The following ZNF704 variants were observed in gnomAD, a reference collection of about 807,000 sequenced individuals.
ZNF704 encodes the protein zinc finger protein 704, also known as glucocorticoid induced gene 1.
ZNF704 carries 10 observed loss-of-function variants against 44.7 expected under a neutral mutation model. That is an observed-to-expected ratio of 0.22 (90% CI 0.14 to 0.38). The LOEUF (loss-of-function observed/expected upper bound fraction) is 0.38. Ranked by LOEUF, ZNF704 falls within the 10% of genes least tolerant of loss-of-function variation. The probability of loss-of-function intolerance (pLI) is 1.00; values close to 1 mark genes in which losing one functional copy is unlikely to be tolerated. For missense variants in ZNF704, 390 were observed against 545.5 expected, an observed-to-expected ratio of 0.71 and a Z score of 2.84; for synonymous variants, 211 against 207.6, an observed-to-expected ratio of 1.02 and a Z score of -0.14.
intron 2 of ZNF704, among the ~76,000 whole-genome samples, chr8:80,789,109 A>G (rs1277415205): frequency 2.0e-5 from 3 of 152,256 alleles, no homozygotes; most frequent in Non-Finnish European, 4.4e-5. Flanking sequence ...TCAATGCTAA[A>G]ACCAAGAGAA....
chr8:80,650,701 G>A (rs1055403411), intron 7 of ZNF704, among the ~76,000 whole-genome samples: 25 of 152,326 alleles, frequency 1.6e-4, no homozygotes, highest in Middle Eastern at 6.8e-3. Flanking sequence ...TGGTGTACCC[G>A]AAAGTGACAG....
At chr8:80,756,085 T>A (rs1586004903) in intron 2 of ZNF704, among the ~76,000 whole-genome samples, 1 of 150,336 alleles carries the variant, frequency 6.7e-6, no homozygotes, top group Non-Finnish European at 1.5e-5. Context: ...CTCCAGCCTG[T>A]GTAACAGAGG....
Position 80,636,869 on chromosome 8 carries a change from C to T in ZNF704, c.*4497G>A, listed in dbSNP as rs938045246. The T allele has an allele frequency of 6.6e-6, 1 of 152,202 alleles. No homozygotes were observed. The highest frequency in any genetic ancestry group is 1.5e-5 in the Non-Finnish European group (1 of 68,040). 9.4% of individuals were successfully genotyped at this position (152,202 alleles called of 1,614,324 possible). A position where few individuals can be genotyped will look rare whatever the true frequency, so the allele number is the denominator to read the frequency against. ...CCACAAAAGTCCATGGAAGTTTGTT[C>T]GCTAACATGCTATTAAAGCAAAATG... On this transcript the variant is annotated 3_prime_UTR_variant, in exon 9 of 9. Transcript: ENST00000327835.
intron 2 of ZNF704, among the ~76,000 whole-genome samples, chr8:80,774,773 A>G (rs576399193): frequency 7.2e-5 from 11 of 152,256 alleles, no homozygotes; most frequent in African/African-American, 2.6e-4. Flanking sequence ...GGATTGTCTA[A>G]AAGTTTTCCG....
intron 2 of ZNF704, among the ~76,000 whole-genome samples, chr8:80,773,491 T>C (rs1444419311): frequency 1.3e-5 from 2 of 152,224 alleles, no homozygotes; most frequent in African/African-American, 4.8e-5. Context: ...GTTTCAACCA[T>C]CAAACATAAT....
intron 2 of ZNF704, among the ~76,000 whole-genome samples, chr8:80,737,618 CTCTA>C (rs1271691362): frequency 6.6e-6 from 1 of 152,122 alleles, no homozygotes; most frequent in African/African-American, 2.4e-5. Context: ...GAGGCAATCT[CTCTA>C]TCTTTTGAAG....
At chr8:80,747,820 G>A (rs986757145) in intron 2 of ZNF704, among the ~76,000 whole-genome samples, 10 of 152,148 alleles carry the variant, frequency 6.6e-5, no homozygotes, top group Admixed American at 6.5e-4. Flanking sequence ...CGATTCAAGC[G>A]ATTCCCCTGC....
chr8:80,739,512 A>C (rs1806720578), intron 2 of ZNF704, among the ~76,000 whole-genome samples: 1 of 152,210 alleles, frequency 6.6e-6, no homozygotes, highest in South Asian at 2.1e-4. Flanking sequence ...AAAGTCTTCC[A>C]AGAGAAGACT....
chr8:80,825,251 C>CA (rs541376728), intron 1 of ZNF704, among the ~76,000 whole-genome samples: 1,637 of 149,376 alleles, frequency 0.011, 20 homozygotes, highest in Non-Finnish European at 0.012. Context: ...AAATGGAAAA[C>CA]AAAAAAAAAG....
At chr8:80,854,365 GACAC>G (rs1457925184) in intron 1 of ZNF704, among the ~76,000 whole-genome samples, 2 of 151,980 alleles carry the variant, frequency 1.3e-5, no homozygotes, top group Non-Finnish European at 2.9e-5. Context: ...TTTAAAAAAA[GACAC>G]ACCAAAAATA....
At chr8:80,681,569 C>T (rs1186671162) in intron 4 of ZNF704, among the ~76,000 whole-genome samples, 2 of 151,972 alleles carry the variant, frequency 1.3e-5, no homozygotes, top group Non-Finnish European at 2.9e-5. Flanking sequence ...TAGAGACAGT[C>T]AAAACTCACT....
chr8:80,861,283 T>C (rs541040919), intron 1 of ZNF704, among the ~76,000 whole-genome samples: 1 of 152,344 alleles, frequency 6.6e-6, no homozygotes, highest in African/African-American at 2.4e-5. Context: ...AGTATATTTA[T>C]TGGATATTTG....
At chr8:80,778,772 G>A (rs572229136) in intron 2 of ZNF704, among the ~76,000 whole-genome samples, 14 of 152,006 alleles carry the variant, frequency 9.2e-5, no homozygotes, top group South Asian at 2.1e-4. Flanking sequence ...ACCAAATGCC[G>A]CATCTTCTCA....
chr8:80,757,658 T>C (rs1320201808), intron 2 of ZNF704, among the ~76,000 whole-genome samples: 1 of 152,116 alleles, frequency 6.6e-6, no homozygotes, highest in Non-Finnish European at 1.5e-5. Flanking sequence ...CAGCCCCCGG[T>C]CCTGCAAGCT....
intron 2 of ZNF704, among the ~76,000 whole-genome samples, chr8:80,746,943 G>A (rs1433222719): frequency 6.6e-6 from 1 of 152,120 alleles, no homozygotes; most frequent in Non-Finnish European, 1.5e-5. Context: ...ATAATATAAA[G>A]CAGCACTATT....
chr8:80,862,440 C>CT (rs1346058898), intron 1 of ZNF704, among the ~76,000 whole-genome samples: 4 of 151,644 alleles, frequency 2.6e-5, no homozygotes, highest in African/African-American at 9.7e-5. Flanking sequence ...TTTTAGATAT[C>CT]TTTTTTGAAT....
intron 5 of ZNF704, among the ~76,000 whole-genome samples, chr8:80,668,429 T>C (rs976800231): frequency 6.6e-6 from 1 of 152,240 alleles, no homozygotes; most frequent in Non-Finnish European, 1.5e-5. Context: ...GGTGTCTTTG[T>C]ACCGTATCAG....
At chr8:80,852,864 A>G (rs1808893801) in intron 1 of ZNF704, among the ~76,000 whole-genome samples, 1 of 152,232 alleles carries the variant, frequency 6.6e-6, no homozygotes, top group Non-Finnish European at 1.5e-5. Flanking sequence ...CAAAGTGCCT[A>G]GCATGGTGTT....
intron 7 of ZNF704, among the ~76,000 whole-genome samples, chr8:80,657,441 C>G (rs909577926): frequency 9.9e-5 from 15 of 152,050 alleles, no homozygotes; most frequent in African/African-American, 3.6e-4. Flanking sequence ...GCCTGTAATC[C>G]CAGCACTTTG....
Sources: gnomAD v4.1 joint callset for allele counts (sites outside exome capture counted in the v4.1 genomes callset) on GRCh38, gnomAD v4.1.1 for gene constraint, MANE v1.5 for transcripts, NCBI Gene and HGNC (gene_info 2026-07-23, HGNC 2026-07-21) for gene names.